DOCK3: variants seen among roughly 807,000 people sequenced by gnomAD.
The protein encoded by DOCK3 is dedicator of cytokinesis 3.
A neutral mutation model predicts 265.6 loss-of-function variants in DOCK3; 60 were observed. The ratio of observed to expected loss-of-function variants is 0.23; its 90% CI spans 0.18 to 0.28. DOCK3 has a LOEUF of 0.28. Ranked by LOEUF, DOCK3 falls within the 10% of genes least tolerant of loss-of-function variation. DOCK3 has a pLI of 1.00. For missense variants in DOCK3, 1,981 were observed against 2,594.3 expected (o/e 0.76, Z 5.14); for synonymous variants, 881 against 938.0 (o/e 0.94, Z 1.11).
intron 2 of DOCK3, among the ~76,000 whole-genome samples, chr3:50,839,012 G>A (rs1006486310): frequency 6.6e-6 from 1 of 152,212 alleles, no homozygotes; most frequent in African/African-American, 2.4e-5. Context: ...AAACTACTTA[G>A]ATCAGTGATT....
At chr3:50,762,818 G>C (rs1411589735) in intron 1 of DOCK3, among the ~76,000 whole-genome samples, 1 of 151,980 alleles carries the variant, frequency 6.6e-6, no homozygotes, top group African/African-American at 2.4e-5. Context: ...TATGTGTTAT[G>C]GATTTTTTTC....
At position 51,227,985 on chromosome 3, in the gene DOCK3, A is replaced by G. The variant is rs745984568; in HGVS notation, c.1544A>G (p.Lys515Arg). ...LRFEFRHCST[K>R]DKGEKKLFGF... The stretch of plus-strand genomic sequence containing the variant: ...TAATACTTGGCTCTGATTACAGCAA[A>G]GGACAAAGGGGAAAAGAAACTCTTT... The change falls in exon 17 of 53, where the codon AAG becomes AGG. Residue 515 changes from lysine to arginine, a missense_variant. By Grantham distance (26) the Lys-to-Arg change is conservative. Around this residue, in one of 4 missense-constraint regions of DOCK3, gnomAD observed 1,357 missense variants for 1,866.8 expected, o/e 0.73. Coordinates refer to ENST00000266037, the MANE Select transcript of DOCK3 (RefSeq NM_004947.5). 1.9e-6 allele frequency: 3 copies of G among 1,614,040 alleles called. No homozygotes were observed. The South Asian group carries it at 3.3e-5, about 18-fold the overall frequency.
chr3:51,241,875 G>T (rs901848533), intron 21 of DOCK3, among the ~76,000 whole-genome samples: 1 of 152,162 alleles, frequency 6.6e-6, no homozygotes, highest in African/African-American at 2.4e-5. Context: ...GTGTACTCCT[G>T]TAGCTCAATG....
intron 12 of DOCK3, among the ~76,000 whole-genome samples, chr3:51,199,784 C>G (rs1406712635): frequency 6.6e-6 from 1 of 152,204 alleles, no homozygotes; most frequent in Non-Finnish European, 1.5e-5. Flanking sequence ...AGGCACCCCC[C>G]AGTAGGGGCA....
rs2042260504 is a variant in DOCK3, at chr3:50,787,787, C to T, written c.121+9029C>T. The T allele has an allele frequency of 2.7e-6, 3 of 1,117,260 alleles. No individual in the cohort carries two copies. The Admixed American group carries it at 5.2e-5, about 20-fold the overall frequency. 69.2% of individuals were successfully genotyped at this position (1,117,260 alleles called of 1,614,324 possible). A position where few individuals can be genotyped will look rare whatever the true frequency, so the allele number is the denominator to read the frequency against. Reference sequence around the variant, plus strand: ...TTCTGCTTATCATTCTCTCCATAGTCATTGCTGTTATCTGTGGCCCCTTCC... The same window carrying T: ...TTCTGCTTATCATTCTCTCCATAGTTATTGCTGTTATCTGTGGCCCCTTCC... On this transcript the variant is annotated intron_variant, in intron 2 of 52. Coordinates refer to ENST00000266037, the MANE Select transcript of DOCK3 (RefSeq NM_004947.5).
At chr3:50,763,170 C>T (rs1251330253) in intron 1 of DOCK3, among the ~76,000 whole-genome samples, 1 of 152,132 alleles carries the variant, frequency 6.6e-6, no homozygotes, top group East Asian at 1.9e-4. Context: ...TATTTCTAAC[C>T]ATTGTTAAGT....
At chr3:51,197,551 G>A (rs1349189529) in intron 12 of DOCK3, among the ~76,000 whole-genome samples, 1 of 152,174 alleles carries the variant, frequency 6.6e-6, no homozygotes, top group Non-Finnish European at 1.5e-5. Context: ...TTTAGGAGAA[G>A]TACTCAGGTG....
At chr3:51,296,132 T>G (rs1366230643) in intron 27 of DOCK3, among the ~76,000 whole-genome samples, 1 of 152,228 alleles carries the variant, frequency 6.6e-6, no homozygotes, top group African/African-American at 2.4e-5. Context: ...GTTCAAGATT[T>G]CAGGACATAA....
chr3:50,705,382 A>C (rs2036339281), intron 1 of DOCK3, among the ~76,000 whole-genome samples: 1 of 151,812 alleles, frequency 6.6e-6, no homozygotes, highest in Non-Finnish European at 1.5e-5. Flanking sequence ...CTTGATAGTG[A>C]GTGAATTCTT....
At chr3:51,059,877 G>A (rs1297510408) in intron 5 of DOCK3, among the ~76,000 whole-genome samples, 3 of 151,842 alleles carry the variant, frequency 2.0e-5, no homozygotes, top group African/African-American at 7.3e-5. Flanking sequence ...GTCTACTCAA[G>A]GATTTAACAG....
At chr3:51,313,047 G>A (rs543037095) in intron 31 of DOCK3, 145 bp downstream of exon 31, 26 of 763,258 alleles carry the variant, frequency 3.4e-5, no homozygotes, top group Non-Finnish European at 4.7e-5. Context: ...ACCTCAGATG[G>A]ATGGTGTAGC....
chr3:50,995,407 G>T (rs1362802720), intron 5 of DOCK3, among the ~76,000 whole-genome samples: 1 of 152,198 alleles, frequency 6.6e-6, no homozygotes. Context: ...AGATGTTGAT[G>T]TGTGCAGCAA....
chr3:50,712,337 C>G (rs1274906040), intron 1 of DOCK3, among the ~76,000 whole-genome samples: 1 of 152,002 alleles, frequency 6.6e-6, no homozygotes, highest in East Asian at 1.9e-4. Flanking sequence ...TCTTGTAAGA[C>G]TTTTTATTTT....
At chr3:51,180,806 CT>C (rs1174818668) in intron 12 of DOCK3, among the ~76,000 whole-genome samples, 1 of 152,170 alleles carries the variant, frequency 6.6e-6, no homozygotes, top group African/African-American at 2.4e-5. Flanking sequence ...TTAGAAAGAC[CT>C]TTAAAATCAG....
rs530671234 is a variant in DOCK3, at chr3:51,064,567, C to T, written c.435C>T (p.His145=). Reference sequence around the variant, plus strand: ...ATCAGGTGCGGGAGGTTAAGCGGCACATCACCGTGCGCCTGGACTGGGGTA... The same window carrying T: ...ATCAGGTGCGGGAGGTTAAGCGGCATATCACCGTGCGCCTGGACTGGGGTA... ...TQDQVREVKR[H]ITVRLDWGNE... The change falls in exon 6 of 53, where the codon CAC becomes CAT. Residue 145 remains histidine, a synonymous_variant. Transcript: ENST00000266037. The T allele has an allele frequency of 1.5e-4, 240 of 1,613,970 alleles. 3 individuals carry two copies. In the South Asian group the frequency reaches 2.5e-3, roughly 17 times the overall value.
chr3:50,745,752 G>T (rs947015468), intron 1 of DOCK3, among the ~76,000 whole-genome samples: 1 of 152,190 alleles, frequency 6.6e-6, no homozygotes, highest in Non-Finnish European at 1.5e-5. Context: ...TGCATATATT[G>T]TCCTCCTACC....
chr3:51,065,118 A>G (rs1404588665), intron 6 of DOCK3, among the ~76,000 whole-genome samples: 3 of 152,170 alleles, frequency 2.0e-5, no homozygotes, highest in African/African-American at 7.2e-5. Flanking sequence ...CCATACAAGT[A>G]CAATTTGAAG....
chr3:50,775,009 T>C lies in DOCK3; in HGVS notation c.38-3666T>C, dbSNP rs900637869. On this transcript the variant is annotated intron_variant, in intron 1 of 52. Coordinates refer to ENST00000266037, the MANE Select transcript of DOCK3 (RefSeq NM_004947.5). ...CATTCCTTGAATAATCCCCAGTTGGTCATGATGCATCATCCTTTTTATGCA... is the reference window on the plus strand; with the variant it reads ...CATTCCTTGAATAATCCCCAGTTGGCCATGATGCATCATCCTTTTTATGCA... 2.6e-5 allele frequency among the ~76,000 whole-genome samples: 4 copies of C among 152,046 alleles called. No homozygotes were observed. In the South Asian group the frequency reaches 8.3e-4, roughly 31 times the overall value.
intron 1 of DOCK3, chr3:50,719,429 T>G: frequency 9.6e-6 from 6 of 625,914 alleles, no homozygotes; most frequent in East Asian, 2.7e-5. Flanking sequence ...GGTGCTCTCC[T>G]GAGCTACGGA....
Sources: gnomAD v4.1 joint callset for allele counts (sites outside exome capture counted in the v4.1 genomes callset) on GRCh38, gnomAD v4.1.1 for gene constraint, gnomAD v4.1.1 regional missense constraint, MANE v1.5 for transcripts, NCBI Gene and HGNC (gene_info 2026-07-23, HGNC 2026-07-21) for gene names.